TMEM132D: variants seen among roughly 807,000 people sequenced by gnomAD.
TMEM132D encodes transmembrane protein 132D, also known as mature OL transmembrane protein.
In TMEM132D, 21 loss-of-function variants were observed where a neutral mutation model predicts 62.3. The ratio of observed to expected loss-of-function variants is 0.34; its 90% CI spans 0.24 to 0.49. The LOEUF (loss-of-function observed/expected upper bound fraction) is 0.49. TMEM132D is among the 20% of genes least tolerant of loss of function. The pLI is 0.99. For synonymous variants in TMEM132D, 621 were observed against 575.6 expected, an observed-to-expected ratio of 1.08 and a Z score of -1.13; for missense variants, 1,346 against 1,402.8, an observed-to-expected ratio of 0.96 and a Z score of 0.65.
chr12:129,282,881 G>A (rs546468523), intron 4 of TMEM132D, among the ~76,000 whole-genome samples: 43 of 152,266 alleles, frequency 2.8e-4, no homozygotes, highest in Middle Eastern at 3.4e-3. Context: ...TTTCTCACTC[G>A]TGGGGCCAGA....
chr12:129,600,676 C>A (rs1400504606), intron 2 of TMEM132D, among the ~76,000 whole-genome samples: 1 of 152,144 alleles, frequency 6.6e-6, no homozygotes, highest in Non-Finnish European at 1.5e-5. Flanking sequence ...TTGTGTGTCT[C>A]CATCAGAGCT....
chr12:129,874,114 C>T (rs1270130193), intron 1 of TMEM132D, among the ~76,000 whole-genome samples: 6 of 152,148 alleles, frequency 3.9e-5, no homozygotes, highest in Non-Finnish European at 8.8e-5. Flanking sequence ...GTAATGAGGC[C>T]GTATTGTGGA....
At chr12:129,815,411 G>C (rs887243426) in intron 1 of TMEM132D, among the ~76,000 whole-genome samples, 2 of 152,234 alleles carry the variant, frequency 1.3e-5, no homozygotes, top group African/African-American at 4.8e-5. Context: ...ACATAGAATA[G>C]AATGTAGAAT....
At chr12:129,241,045 T>C (rs1403361299) in intron 4 of TMEM132D, among the ~76,000 whole-genome samples, 1 of 150,596 alleles carries the variant, frequency 6.6e-6, no homozygotes, top group Non-Finnish European at 1.5e-5. Context: ...TTGGGTGATA[T>C]AAATAGTTTA....
chr12:129,738,982 C>T (rs1235093899), intron 1 of TMEM132D, among the ~76,000 whole-genome samples: 1 of 152,030 alleles, frequency 6.6e-6, no homozygotes, highest in Non-Finnish European at 1.5e-5. Context: ...GGAACAGAAA[C>T]TCTCACAGTC....
intron 1 of TMEM132D, among the ~76,000 whole-genome samples, chr12:129,893,638 T>G (rs1438361195): frequency 6.6e-6 from 1 of 152,214 alleles, no homozygotes; most frequent in Non-Finnish European, 1.5e-5. Flanking sequence ...GAGTTAAAAT[T>G]TTCCATTTTT....
chr12:129,399,431 C>T lies in TMEM132D; in HGVS notation c.1116-61614G>A, dbSNP rs1996717. On this transcript the variant is annotated intron_variant, in intron 3 of 8. Transcript: ENST00000422113. ...ATAGCTAACCCACTCCCACGATAAC[C>T]AACCCATTCCTGCAATAGGTAACTC... 9.3e-3 allele frequency among the ~76,000 whole-genome samples: 1,198 copies of T among 128,464 alleles called. 41 individuals carry two copies. Among genetic ancestry groups the T allele is most frequent in the Middle Eastern group, 0.013 (3 of 240 alleles). The allele number at this position is 128,464 out of a possible 152,430, so 84.3% of individuals were successfully genotyped here.
At chr12:129,159,306 TTGA>T (rs1877331179) in intron 5 of TMEM132D, among the ~76,000 whole-genome samples, 1 of 152,134 alleles carries the variant, frequency 6.6e-6, no homozygotes, top group South Asian at 2.1e-4. Context: ...TGCATTCATG[TTGA>T]TGAGCTGTGA....
chr12:129,861,553 T>C (rs1214277381), intron 1 of TMEM132D, among the ~76,000 whole-genome samples: 1 of 151,994 alleles, frequency 6.6e-6, no homozygotes, highest in Non-Finnish European at 1.5e-5. Context: ...CTGAGGACAG[T>C]AGTTCGAGAC....
intron 5 of TMEM132D, among the ~76,000 whole-genome samples, chr12:129,169,264 G>A (rs1157112738): frequency 6.6e-6 from 1 of 152,180 alleles, no homozygotes; most frequent in Admixed American, 6.5e-5. Context: ...AACCATTGGA[G>A]CATTCACTCA....
intron 3 of TMEM132D, among the ~76,000 whole-genome samples, chr12:129,502,595 C>G (rs1875186972): frequency 6.6e-6 from 1 of 151,838 alleles, no homozygotes; most frequent in Non-Finnish European, 1.5e-5. Flanking sequence ...ATTTGTCTTT[C>G]CTCTGTGAGT....
chr12:129,698,864 G>C (rs1176369935), intron 2 of TMEM132D, among the ~76,000 whole-genome samples: 1 of 151,946 alleles, frequency 6.6e-6, no homozygotes, highest in Non-Finnish European at 1.5e-5. Flanking sequence ...CCCATATGAA[G>C]GGGGATAGAG....
chr12:129,582,413 T>C (rs1565911784), intron 2 of TMEM132D, among the ~76,000 whole-genome samples: 1 of 152,202 alleles, frequency 6.6e-6, no homozygotes, highest in Non-Finnish European at 1.5e-5. Context: ...CAAGTAACTC[T>C]ATTGCTCTCA....
At chr12:129,799,031 C>G (rs916653284) in intron 1 of TMEM132D, among the ~76,000 whole-genome samples, 5 of 152,152 alleles carry the variant, frequency 3.3e-5, no homozygotes, top group African/African-American at 1.2e-4. Context: ...TCTGGGAGGC[C>G]AAGGCGGGCG....
intron 1 of TMEM132D, among the ~76,000 whole-genome samples, chr12:129,813,996 A>T (rs944912753): frequency 6.6e-6 from 1 of 152,210 alleles, no homozygotes; most frequent in Non-Finnish European, 1.5e-5. Context: ...CATATCTTTT[A>T]AAGAAAATGT....
rs184481190 is a variant in TMEM132D at position 129,831,209 on chromosome 12, A to G, written c.79+72052T>C. 1.6e-4 allele frequency among the ~76,000 whole-genome samples: 24 copies of G among 152,304 alleles called. No individual in the cohort carries two copies. The East Asian group carries it at 2.7e-3, about 17-fold the overall frequency. On this transcript the variant is annotated intron_variant, in intron 1 of 8. Transcript: ENST00000422113. ...CAGCACATCACTGAAGGGGTGAAGAAAGCTGGTTTCCCAAAAGGGAACTCC... is the reference window on the plus strand; with the variant it reads ...CAGCACATCACTGAAGGGGTGAAGAGAGCTGGTTTCCCAAAAGGGAACTCC...
intron 3 of TMEM132D, among the ~76,000 whole-genome samples, chr12:129,497,009 C>T (rs1239808834): frequency 6.6e-6 from 1 of 152,180 alleles, no homozygotes; most frequent in Non-Finnish European, 1.5e-5. Flanking sequence ...TGCGTCTCTG[C>T]ATTGTACCAT....
Position 129,367,777 on chromosome 12 carries a change from CTTT to C in TMEM132D, c.1116-29963_1116-29961del, listed in dbSNP as rs60004106. Among the ~76,000 whole-genome samples, 320 of 122,290 alleles carry C rather than the reference CTTT, an allele frequency of 2.6e-3. 3 individuals carry two copies. The highest frequency in any genetic ancestry group is 3.1e-3 in the African/African-American group (99 of 31,874). 80.2% of individuals were successfully genotyped at this position (122,290 alleles called of 152,430 possible). On this transcript the variant is annotated intron_variant, in intron 3 of 8. Transcript: ENST00000422113. ...AGCTCTTTCTTTTTCCATTTCTTTT[CTTT>C]TTTTTTTTTTTTTTCGTTTTTTTGA...
intron 3 of TMEM132D, among the ~76,000 whole-genome samples, chr12:129,364,374 T>C (rs1373509617): frequency 6.6e-6 from 1 of 152,206 alleles, no homozygotes; most frequent in Non-Finnish European, 1.5e-5. Context: ...CATCTTTAAA[T>C]TGTTCAGTGT....
Sources: allele counts gnomAD v4.1 joint callset (sites outside exome capture counted in the v4.1 genomes callset), GRCh38; gene constraint gnomAD v4.1.1; transcripts MANE v1.5; gene names NCBI Gene and HGNC (gene_info 2026-07-23, HGNC 2026-07-21).